Variants in ELMOD3 observed in about 807,000 individuals in gnomAD.
ELMOD3 encodes the protein ELMO domain-containing protein 3.
A neutral mutation model predicts 47.4 loss-of-function variants in ELMOD3; 36 were observed. That is an observed-to-expected ratio of 0.76 (90% confidence interval 0.58 to 1.00). The LOEUF (loss-of-function observed/expected upper bound fraction) is 1.00. Ranked by LOEUF, ELMOD3 falls within the 50% of genes least tolerant of loss-of-function variation. The pLI is 0.00. For missense variants in ELMOD3, 404 were observed against 463.8 expected (o/e 0.87, Z 1.18); for synonymous variants, 149 against 183.5 (o/e 0.81, Z 1.52).
intron 11 of ELMOD3, among the ~76,000 whole-genome samples, chr2:85,381,082 A>G (rs1207249237): frequency 6.6e-6 from 1 of 152,232 alleles, no homozygotes; most frequent in East Asian, 1.9e-4. Flanking sequence ...AATACAGCCC[A>G]AAGAAAATCG....
At chr2:85,387,800 G>A (rs1686044991) in intron 11 of ELMOD3, among the ~76,000 whole-genome samples, 1 of 152,088 alleles carries the variant, frequency 6.6e-6, no homozygotes, top group African/African-American at 2.4e-5. Flanking sequence ...AGACTCAAGG[G>A]ACTCTACGTA....
intron 6 of ELMOD3, among the ~76,000 whole-genome samples, chr2:85,367,119 T>A (rs1246022057): frequency 1.3e-5 from 2 of 152,212 alleles, no homozygotes; most frequent in African/African-American, 4.8e-5. Flanking sequence ...ATCAAACATT[T>A]GTTGAGCACC....
At chr2:85,364,825 A>AT (rs869054374) in intron 6 of ELMOD3, among the ~76,000 whole-genome samples, 794 of 69,932 alleles carry the variant, frequency 0.011, 32 homozygotes, top group Non-Finnish European at 0.013. Context: ...ATATATATAT[A>AT]TTTTTTTTTT....
At chr2:85,379,275 T>C (rs918166684) in intron 11 of ELMOD3, among the ~76,000 whole-genome samples, 7 of 152,370 alleles carry the variant, frequency 4.6e-5, no homozygotes, top group Non-Finnish European at 8.8e-5. Flanking sequence ...AGTGGCGCGA[T>C]AGCACACTGC....
chr2:85,364,800 A>AATAC (rs1387169536), intron 6 of ELMOD3, among the ~76,000 whole-genome samples: 8 of 110,374 alleles, frequency 7.2e-5, no homozygotes, highest in Non-Finnish European at 1.1e-4. Context: ...TTTTACTTTA[A>AATAC]ATACATATAT....
At chr2:85,364,784 A>G (rs1317871307) in intron 6 of ELMOD3, among the ~76,000 whole-genome samples, 1 of 138,268 alleles carries the variant, frequency 7.2e-6, no homozygotes, top group Non-Finnish European at 1.5e-5. Flanking sequence ...TTAATACATT[A>G]ATAATTTTTA....
chr2:85,377,348 G>A lies in ELMOD3; in HGVS notation c.612G>A (p.Ala204=), dbSNP rs202233755. The A allele has an allele frequency of 1.4e-5, 22 of 1,597,156 alleles. No individual in the cohort carries two copies. In the East Asian group the frequency reaches 1.8e-4, roughly 13 times the overall value. The change falls in exon 11 of 14, where the codon GCG becomes GCA. Residue 204 remains alanine (A), a synonymous_variant. Transcript: ENST00000409013. The stretch of plus-strand genomic sequence containing the variant: ...TCCTCACGGTCTCTGTTACAGGAGC[G>A]AATCCAGCCACAGACCTGAGAGGCG... The part of the protein sequence containing the change: ...NHWEDLGFQG[A]NPATDLRGAG...
chr2:85,377,833 C>G (rs1685275174), intron 11 of ELMOD3, among the ~76,000 whole-genome samples: 1 of 152,210 alleles, frequency 6.6e-6, no homozygotes, highest in Non-Finnish European at 1.5e-5. Context: ...CGAGAGTACA[C>G]TGAATAAATG....
At chr2:85,365,139 A>G (rs1684285407) in intron 6 of ELMOD3, among the ~76,000 whole-genome samples, 1 of 150,418 alleles carries the variant, frequency 6.6e-6, no homozygotes, top group African/African-American at 2.4e-5. Context: ...AAAAAAAAGT[A>G]AAAAATAAAT....
intron 10 of ELMOD3, among the ~76,000 whole-genome samples, chr2:85,374,074 A>G (rs1460685229): frequency 6.6e-6 from 1 of 151,976 alleles, no homozygotes; most frequent in Non-Finnish European, 1.5e-5. Flanking sequence ...TTCCAGGTTG[A>G]CAGTTCTTTT....
At chr2:85,362,097 AG>A in intron 4 of ELMOD3, 88 bp from the exon 5 acceptor site, 2 of 882,000 alleles carry the variant, frequency 2.3e-6, no homozygotes, top group Non-Finnish European at 3.7e-6. Context: ...TGAACTTAAA[AG>A]TTAAAAAAAA....
intron 11 of ELMOD3, among the ~76,000 whole-genome samples, chr2:85,383,811 C>A (rs750746967): frequency 1.3e-5 from 2 of 152,122 alleles, no homozygotes; most frequent in African/African-American, 4.8e-5. Flanking sequence ...AAATGTGAAC[C>A]CTGAAAATCT....
At chr2:85,377,027 T>C (rs2104644892) in intron 10 of ELMOD3, 1 of 180,246 alleles carries the variant, frequency 5.5e-6, no homozygotes, top group East Asian at 1.4e-4. Flanking sequence ...TTATTCATCT[T>C]GTTCCAGAAC....
At chr2:85,361,857 G>C (rs1683985901) in intron 4 of ELMOD3, among the ~76,000 whole-genome samples, 1 of 152,094 alleles carries the variant, frequency 6.6e-6, no homozygotes, top group African/African-American at 2.4e-5. Context: ...CGTGAACCTG[G>C]GAGGTGGAGC....
At chr2:85,379,130 A>C (rs866790812) in intron 11 of ELMOD3, among the ~76,000 whole-genome samples, 104 of 152,320 alleles carry the variant, frequency 6.8e-4, no homozygotes, top group African/African-American at 2.4e-3. Context: ...AGTACGGCTT[A>C]ATTTTCAGTG....
chr2:85,363,221 C>A, intron 6 of ELMOD3, 55 bp downstream of exon 6: 1 of 924,302 alleles, frequency 1.1e-6, no homozygotes, highest in Non-Finnish European at 1.8e-6. Flanking sequence ...TCAGACCTTC[C>A]CATGCATCTG....
intron 11 of ELMOD3, among the ~76,000 whole-genome samples, chr2:85,381,620 A>G (rs1039305683): frequency 4.6e-5 from 7 of 152,216 alleles, no homozygotes; most frequent in Admixed American, 4.6e-4. Context: ...TTTGACATTC[A>G]TGATTAATTT....
rs1686204062 is a variant in ELMOD3 at position 85,389,966 on chromosome 2, C to T, written c.815+139C>T. ...CAAAGTCCCCATGCACCGGTCTCCC[C>T]AGGACATCCCTTCTCCCACCCCTGG... On this transcript the variant is annotated intron_variant, in intron 12 of 13. Coordinates refer to ENST00000409013, the MANE Select transcript of ELMOD3 (RefSeq NM_001135022.2). The T allele has an allele frequency of 1.0e-5, 11 of 1,054,842 alleles. No homozygotes were observed. The South Asian group carries it at 1.3e-4, about 12-fold the overall frequency. The allele number at this position is 1,054,842 out of a possible 1,614,324, so 65.3% of individuals were successfully genotyped here.
At chr2:85,380,825 T>G (rs1008177069) in intron 11 of ELMOD3, among the ~76,000 whole-genome samples, 2 of 152,104 alleles carry the variant, frequency 1.3e-5, no homozygotes, top group African/African-American at 4.8e-5. Flanking sequence ...ATGCCTGGCC[T>G]TTTATAGCTG....
Sources: allele counts gnomAD v4.1 joint callset (sites outside exome capture counted in the v4.1 genomes callset), GRCh38; gene constraint gnomAD v4.1.1; transcripts MANE v1.5; gene names NCBI Gene and HGNC (gene_info 2026-07-23, HGNC 2026-07-21).